Variants in RTKN2 observed in about 807,000 individuals in gnomAD.
RTKN2 encodes the protein rhotekin-2.
RTKN2 carries 69 observed loss-of-function variants against 71.5 expected under a neutral mutation model. That is an observed-to-expected ratio of 0.96 (90% CI 0.79 to 1.18). The LOEUF is 1.18. Among genes scored for constraint, RTKN2 ranks in the 50% most tolerant of loss-of-function variants. The pLI is 0.00. For missense variants in RTKN2, 724 were observed against 719.7 expected, an observed-to-expected ratio of 1.01 and a Z score of -0.07; for synonymous variants, 236 against 236.5, an observed-to-expected ratio of 1.00 and a Z score of 0.02.
intron 6 of RTKN2, among the ~76,000 whole-genome samples, chr10:62,230,525 G>A (rs1564514964): frequency 6.6e-6 from 1 of 152,160 alleles, no homozygotes; most frequent in Non-Finnish European, 1.5e-5. Context: ...GTAACAGGAT[G>A]AAAACCACCC....
chr10:62,235,937 A>G, intron 6 of RTKN2, 129 bp downstream of exon 6: 1 of 685,820 alleles, frequency 1.5e-6, no homozygotes, highest in Non-Finnish European at 2.4e-6. Flanking sequence ...TAAATGTCAA[A>G]CAACTAAGTT....
intron 8 of RTKN2, among the ~76,000 whole-genome samples, chr10:62,186,108 C>T (rs925293034): frequency 2.0e-5 from 3 of 152,186 alleles, no homozygotes; most frequent in African/African-American, 7.2e-5. Flanking sequence ...TGGTGTGGGC[C>T]GTGGGAGGGA....
At chr10:62,233,429 G>T (rs1408996712) in intron 6 of RTKN2, among the ~76,000 whole-genome samples, 1 of 152,036 alleles carries the variant, frequency 6.6e-6, no homozygotes, top group Non-Finnish European at 1.5e-5. Context: ...GATGGTCTTA[G>T]ATCTAAGAGA....
intron 3 of RTKN2, among the ~76,000 whole-genome samples, chr10:62,243,046 A>G (rs917730215): frequency 6.6e-6 from 1 of 151,894 alleles, no homozygotes; most frequent in Non-Finnish European, 1.5e-5. Flanking sequence ...GGTTTGTTAC[A>G]TATGTATACA....
In RTKN2 at chr10:62,196,393, C is replaced by G. The variant is rs1011432983; in HGVS notation, c.*1515G>C. ...TCCTGATGTTACCAGTCACAAGAAA[C>G]CTTTTGTTATCATTACTCCCTCAAG... On this transcript the variant is annotated 3_prime_UTR_variant, in exon 12 of 12. Transcript: ENST00000373789. 1.0e-6 allele frequency: 1 copy of G among 985,148 alleles called. No homozygotes were observed. Among genetic ancestry groups the G allele is most frequent in the Admixed American group, 6.2e-5 (1 of 16,238 alleles). 61.0% of individuals were successfully genotyped at this position (985,148 alleles called of 1,614,324 possible).
Position 62,199,872 on chromosome 10 carries a change from C to T in RTKN2, c.1187-11G>A. On this transcript the variant is annotated splice_polypyrimidine_tract_variant and intron_variant, in intron 10 of 11. Coordinates refer to ENST00000373789, the MANE Select transcript of RTKN2 (RefSeq NM_145307.4). ...AGTGCTTCCATTGGCCTAAGACAGA[C>T]AGAAAAAAGGTAGACTAGTTTAAAA... is the stretch of plus-strand genomic sequence containing the variant. 5 of 1,537,150 alleles carry T rather than the reference C, an allele frequency of 3.3e-6. No homozygotes were observed. The highest frequency in any genetic ancestry group is 1.7e-4 in the Middle Eastern group (1 of 5,854).
In RTKN2 at chr10:62,252,901, T is replaced by G. The variant is rs371598531; in HGVS notation, c.258-6844A>C. 2.2e-4 allele frequency among the ~76,000 whole-genome samples: 33 copies of G among 152,152 alleles called. No homozygotes were observed. In the East Asian group the frequency reaches 6.2e-3, roughly 28 times the overall value. On this transcript the variant is annotated intron_variant, in intron 2 of 11. Transcript: ENST00000373789. ...TAAAATTATAGTAACTACTATGACT[T>G]ATAAAATGCTTCCAAAATTTAAGAA... is the stretch of plus-strand genomic sequence containing the variant.
chr10:62,191,065 A>G (rs974744793), downstream of RTKN2, among the ~76,000 whole-genome samples: 1 of 152,092 alleles, frequency 6.6e-6, no homozygotes, highest in Non-Finnish European at 1.5e-5. Context: ...TCCCTTCTAG[A>G]TTTGAAAACC....
intron 3 of RTKN2, among the ~76,000 whole-genome samples, chr10:62,245,206 A>T (rs1842454794): frequency 6.6e-6 from 1 of 152,096 alleles, no homozygotes; most frequent in Non-Finnish European, 1.5e-5. Flanking sequence ...AGTGCCATCT[A>T]GTGGTGAAGG....
chr10:62,266,326 A>G (rs540048990), intron 1 of RTKN2, among the ~76,000 whole-genome samples: 1 of 152,358 alleles, frequency 6.6e-6, no homozygotes, highest in South Asian at 2.1e-4. Flanking sequence ...AAAAACCTGA[A>G]GTTGAACTCC....
intron 3 of RTKN2, among the ~76,000 whole-genome samples, chr10:62,242,854 C>T (rs1205223147): frequency 6.6e-6 from 1 of 152,102 alleles, no homozygotes; most frequent in Non-Finnish European, 1.5e-5. Flanking sequence ...TGGTCTCGAA[C>T]TCCTGACCTC....
chr10:62,240,630 T>G (rs1021847873), intron 4 of RTKN2, among the ~76,000 whole-genome samples: 3 of 152,176 alleles, frequency 2.0e-5, no homozygotes, highest in African/African-American at 7.2e-5. Context: ...CTCTAATAGC[T>G]AGAAATCATT....
chr10:62,248,264 A>C (rs1842514484), intron 2 of RTKN2, among the ~76,000 whole-genome samples: 1 of 152,148 alleles, frequency 6.6e-6, no homozygotes, highest in African/African-American at 2.4e-5. Flanking sequence ...AGAGGAGAAA[A>C]ACTGAAGTAA....
intron 9 of RTKN2, 21 bp from the exon 10 acceptor site, chr10:62,205,043 T>G (rs200061880): frequency 6.4e-7 from 1 of 1,568,716 alleles, no homozygotes; most frequent in African/African-American, 1.4e-5. Flanking sequence ...AGAAAAAAAT[T>G]GGGGTTTTGC....
Position 62,186,103 on chromosome 10 carries a change from T to G in RTKN2, c.862-1716A>C, listed in dbSNP as rs188432231. Among the ~76,000 whole-genome samples the G allele has an allele frequency of 6.5e-4, 99 of 152,354 alleles. 1 individual carries two copies. The highest frequency in any genetic ancestry group is 3.4e-3 in the Middle Eastern group (1 of 294). The stretch of plus-strand genomic sequence containing the variant: ...TGCAATGGCTGGAGACTGTATGGTG[T>G]GGGCCGTGGGAGGGAGCTGGGCTAT... On this transcript the variant is annotated intron_variant, in intron 8 of 8. Coordinates refer to the RTKN2 transcript ENST00000315289.
rs1255313522 is a variant in RTKN2, at chr10:62,236,188, G to T, written c.564C>A (p.Asn188Lys). The T allele has an allele frequency of 3.1e-6, 5 of 1,611,652 alleles. No homozygotes were observed. Among genetic ancestry groups the T allele is most frequent in the Non-Finnish European group, 4.2e-6 (5 of 1,178,280 alleles). ...SCCTEESSIT[N>K]TPKKLAKKLK... is the part of the protein sequence containing the mutation. ...GTTTCTTAGCTAGCTTTTTTGGTGT[G>T]TTGGTTATAGAAGATTCTTCTGTAC... The change falls in exon 6 of 12, where the codon AAC becomes AAA. Residue 188 changes from asparagine (N) to lysine (K), a missense_variant. Physicochemically the swap from Asn to Lys is moderately conservative, Grantham distance 94 (BLOSUM62 0). Transcript: ENST00000373789.
rs377227235 is a variant in RTKN2 at position 62,185,445 on chromosome 10, G to A, written c.862-1058C>T. Among the ~76,000 whole-genome samples the A allele has an allele frequency of 2.7e-4, 41 of 152,054 alleles. No homozygotes were observed. In the East Asian group the frequency reaches 2.7e-3, roughly 10 times the overall value. On this transcript the variant is annotated intron_variant, in intron 8 of 8. Coordinates refer to the RTKN2 transcript ENST00000315289. ...AGCCTGGCCAAGTTGGTGAAACCCC[G>A]TCTCTACTAAAAATACAAAAATTAG...
rs992159386 is a variant in RTKN2 at position 62,236,214 on chromosome 10, A to T, written c.538T>A (p.Cys180Ser). 6.2e-7 allele frequency: 1 copy of T among 1,611,636 alleles called. No homozygotes were observed. Among genetic ancestry groups the T allele is most frequent in the Non-Finnish European group, 8.5e-7 (1 of 1,178,226 alleles). The change falls in exon 6 of 12, where the codon TGT becomes AGT. Residue 180 changes from cysteine to serine, a missense_variant. Cys to Ser is a moderately radical substitution (Grantham distance 112). Coordinates refer to ENST00000373789, the MANE Select transcript of RTKN2 (RefSeq NM_145307.4). ...FQIKVEVYSC[C>S]TEESSITNTP... is the part of the protein sequence containing the mutation. ...TTGGTTATAGAAGATTCTTCTGTAC[A>T]GCAACTATACACTTCCACCTTTATC...
downstream of RTKN2, among the ~76,000 whole-genome samples, chr10:62,192,755 T>A (rs940799372): frequency 1.3e-5 from 2 of 152,144 alleles, no homozygotes; most frequent in African/African-American, 4.8e-5. Context: ...CAACAGCTAG[T>A]CCTACAAGCA....
Sources: gnomAD v4.1 joint callset for allele counts (sites outside exome capture counted in the v4.1 genomes callset) on GRCh38, gnomAD v4.1.1 for gene constraint, MANE v1.5 for transcripts, NCBI Gene and HGNC (gene_info 2026-07-23, HGNC 2026-07-21) for gene names.